PTPRD: variants seen among roughly 807,000 people sequenced by gnomAD.
PTPRD encodes the protein receptor-type tyrosine-protein phosphatase delta.
Under a neutral mutation model 214.5 loss-of-function variants are expected in PTPRD, and 34 were observed. The ratio of observed to expected loss-of-function variants is 0.16; its 90% CI spans 0.12 to 0.21. The LOEUF is 0.21. Among genes scored for constraint, PTPRD ranks in the 10% least tolerant of loss-of-function variants. The pLI is 1.00. For synonymous variants in PTPRD, 1,128 were observed against 845.7 expected, an observed-to-expected ratio of 1.33 and a Z score of -5.79; for missense variants, 2,545 against 2,398.7, an observed-to-expected ratio of 1.06 and a Z score of -1.27.
chr9:8,539,928 T>C (rs140842314), intron 14 of PTPRD, among the ~76,000 whole-genome samples: 75 of 152,210 alleles, frequency 4.9e-4, no homozygotes, highest in African/African-American at 1.2e-3. Flanking sequence ...CAAAAGTGAA[T>C]GCGGATCTAA....
At chr9:9,520,102 C>G (rs141880829) in intron 8 of PTPRD, among the ~76,000 whole-genome samples, 249 of 151,852 alleles carry the variant, frequency 1.6e-3, no homozygotes, top group African/African-American at 5.8e-3. Context: ...TGTACCTACT[C>G]GTACAAGAGA....
chr9:9,852,159 T>C (rs1161558518), intron 5 of PTPRD, among the ~76,000 whole-genome samples: 2 of 151,660 alleles, frequency 1.3e-5, no homozygotes, highest in African/African-American at 2.4e-5. Flanking sequence ...CTGAATCTAA[T>C]TAAAAAAAAA....
chr9:9,402,669 T>A (rs926421338), intron 8 of PTPRD, among the ~76,000 whole-genome samples: 5 of 151,802 alleles, frequency 3.3e-5, no homozygotes, highest in Non-Finnish European at 5.9e-5. Flanking sequence ...CAAACATAGA[T>A]TATGAAATGA....
At chr9:8,562,113 T>C (rs962870964) in intron 14 of PTPRD, among the ~76,000 whole-genome samples, 1 of 152,194 alleles carries the variant, frequency 6.6e-6, no homozygotes, top group Non-Finnish European at 1.5e-5. Context: ...TGAAGGTATA[T>C]ATCCAAAATG....
chr9:9,962,648 T>A (rs1006593452), intron 4 of PTPRD, among the ~76,000 whole-genome samples: 1 of 152,122 alleles, frequency 6.6e-6, no homozygotes, highest in African/African-American at 2.4e-5. Context: ...ATAAATACTA[T>A]GTCCATCCAT....
chr9:8,518,453 C>T (rs748655003), intron 20 of PTPRD, 24 bp from the exon 21 acceptor site: 1 of 1,482,420 alleles, frequency 6.7e-7, no homozygotes, highest in South Asian at 1.3e-5. Context: ...AGATAAAAGA[C>T]AATGACTACC....
intron 7 of PTPRD, among the ~76,000 whole-genome samples, chr9:9,583,530 A>G (rs1312383292): frequency 6.6e-6 from 1 of 152,100 alleles, no homozygotes; most frequent in Non-Finnish European, 1.5e-5. Flanking sequence ...GGTAAAACCT[A>G]AAGAAATAAT....
At chr9:10,540,651 T>G (rs933989925) in intron 2 of PTPRD, among the ~76,000 whole-genome samples, 4 of 152,188 alleles carry the variant, frequency 2.6e-5, no homozygotes, top group African/African-American at 9.7e-5. Context: ...AGGTGTAATG[T>G]GTTCCAAATC....
chr9:9,376,051 G>A (rs34103777), intron 9 of PTPRD, among the ~76,000 whole-genome samples: 75 of 151,462 alleles, frequency 5.0e-4, no homozygotes, highest in Non-Finnish European at 9.0e-4. Flanking sequence ...AATATAAAGC[G>A]CAAGAAAATG....
chr9:9,726,174 G>C (rs2098087059), intron 7 of PTPRD, among the ~76,000 whole-genome samples: 1 of 151,986 alleles, frequency 6.6e-6, no homozygotes. Flanking sequence ...TCTTCTATTA[G>C]GATCTGTCTC....
chr9:8,353,964 G>T (rs1035165571), intron 39 of PTPRD, among the ~76,000 whole-genome samples: 1,858 of 28,024 alleles, frequency 0.066, 99 homozygotes, highest in Non-Finnish European at 0.087. Flanking sequence ...ATATATATAT[G>T]TTTTTTTTTT....
At chr9:9,955,037 C>T (rs1042773507) in intron 4 of PTPRD, among the ~76,000 whole-genome samples, 1 of 152,094 alleles carries the variant, frequency 6.6e-6, no homozygotes. Context: ...ACAGGTCAAA[C>T]TAAATGCTAA....
intron 3 of PTPRD, among the ~76,000 whole-genome samples, chr9:10,325,801 T>C (rs2096632968): frequency 6.6e-6 from 1 of 151,900 alleles, no homozygotes; most frequent in Admixed American, 6.6e-5. Context: ...GGAAGAATTT[T>C]GCCTGGGTTA....
At chr9:10,016,458 G>C (rs1030681836) in intron 4 of PTPRD, among the ~76,000 whole-genome samples, 2 of 152,064 alleles carry the variant, frequency 1.3e-5, no homozygotes, top group African/African-American at 4.8e-5. Flanking sequence ...TAAAATGATG[G>C]TGTCTGTAAA....
chr9:10,360,956 G>T (rs913496647), intron 2 of PTPRD, among the ~76,000 whole-genome samples: 3 of 151,658 alleles, frequency 2.0e-5, no homozygotes, highest in Non-Finnish European at 4.4e-5. Flanking sequence ...CAAAAAATTA[G>T]CCGGGCGTGG....
At chr9:9,894,020 C>T (rs1012829589) in intron 5 of PTPRD, among the ~76,000 whole-genome samples, 1 of 152,068 alleles carries the variant, frequency 6.6e-6, no homozygotes, top group Non-Finnish European at 1.5e-5. Flanking sequence ...CACAATGTTG[C>T]TCAGGCTGAT....
chr9:10,227,392 C>A (rs1247457307), intron 3 of PTPRD, among the ~76,000 whole-genome samples: 1 of 151,928 alleles, frequency 6.6e-6, no homozygotes, highest in East Asian at 1.9e-4. Flanking sequence ...GTCAGGTGTT[C>A]TTCAGAGAAG....
intron 9 of PTPRD, among the ~76,000 whole-genome samples, chr9:9,329,159 A>G (rs1205933310): frequency 6.6e-6 from 1 of 152,100 alleles, no homozygotes; most frequent in Non-Finnish European, 1.5e-5. Flanking sequence ...GGTAATGACA[A>G]CGAGAGTCAT....
At chr9:9,153,758 C>G (rs752257436) in intron 10 of PTPRD, among the ~76,000 whole-genome samples, 3 of 152,104 alleles carry the variant, frequency 2.0e-5, no homozygotes, top group Non-Finnish European at 4.4e-5. Flanking sequence ...GAAAAATCAA[C>G]ATTCATCTAC....
Sources: allele counts gnomAD v4.1 joint callset (sites outside exome capture counted in the v4.1 genomes callset), GRCh38; gene constraint gnomAD v4.1.1; transcripts MANE v1.5; gene names NCBI Gene and HGNC (gene_info 2026-07-23, HGNC 2026-07-21).